The following KRT74 variants were observed in gnomAD, a reference collection of about 807,000 sequenced individuals.
KRT74 encodes keratin, type II cytoskeletal 74.
KRT74 carries 43 observed loss-of-function variants against 42.7 expected under a neutral mutation model. The ratio of observed to expected loss-of-function variants is 1.01; its 90% CI spans 0.79 to 1.30. The LOEUF (loss-of-function observed/expected upper bound fraction) is 1.30, where lower values mean the gene tolerates loss of function less well. KRT74 is among the 50% of genes most tolerant of loss of function. The probability of loss-of-function intolerance (pLI) is 0.00; values close to 1 mark genes in which losing one functional copy is unlikely to be tolerated. For missense variants in KRT74, 736 were observed against 689.1 expected (o/e 1.07, Z -0.76); for synonymous variants, 302 against 279.0 (o/e 1.08, Z -0.82).
chr12:52,571,907 C>A (rs370717222), intron 3 of KRT74, 37 bp downstream of exon 3: 11 of 1,346,066 alleles, frequency 8.2e-6, no homozygotes, highest in Middle Eastern at 1.8e-4. Context: ...GATGGGGGTG[C>A]GAGAGACCCT....
At chr12:52,569,752 C>T in intron 6 of KRT74, 107 bp downstream of exon 6, 1 of 1,464,974 alleles carries the variant, frequency 6.8e-7, no homozygotes, top group Non-Finnish European at 9.5e-7. Context: ...CCGAGGGACC[C>T]CTAAGCCCAG....
In KRT74 at chr12:52,573,689, C is replaced by A. The variant is rs1361079502; in HGVS notation, c.89G>T (p.Ser30Ile). ...GCCAGCTGCACAGTAAGAAGCCAGG[C>A]TACCCACAGCCTTCCTTGGCACCAC... ...SAVVPRKAVG[S>I]LASYCAAGRG... Residue 30 changes from serine (S) to isoleucine (I), a missense_variant, in exon 1 of 9, where the codon AGC (serine) becomes ATC (isoleucine). Ser to Ile is a moderately radical substitution (Grantham distance 142). Coordinates refer to ENST00000305620, the MANE Select transcript of KRT74 (RefSeq NM_175053.4). 10 of 1,614,192 alleles carry A rather than the reference C, an allele frequency of 6.2e-6. No homozygotes were observed. Among genetic ancestry groups the A allele is most frequent in the Non-Finnish European group, 8.5e-6 (10 of 1,180,042 alleles).
chr12:52,572,094 C>T, intron 2 of KRT74, 90 bp from the exon 3 acceptor site: 1 of 959,918 alleles, frequency 1.0e-6, no homozygotes, highest in Non-Finnish European at 1.7e-6. Flanking sequence ...GATACAGGGT[C>T]CCTGCAGGGT....
chr12:52,571,739 T>C (rs948836312), intron 3 of KRT74, among the ~76,000 whole-genome samples: 12 of 152,110 alleles, frequency 7.9e-5, no homozygotes, highest in African/African-American at 2.9e-4. Flanking sequence ...CAGACCAGAA[T>C]TCTGTCTGTC....
chr12:52,570,155 C>CA (rs201168012), intron 5 of KRT74, among the ~76,000 whole-genome samples, 171 bp from the exon 6 acceptor site: 1 of 138 alleles, frequency 7.2e-3, no homozygotes. Flanking sequence ...CTGACAGCCC[C>CA]AAACATAGTT....
In KRT74 at chr12:52,570,744, G is replaced by A. The variant is rs776156648; in HGVS notation, c.933C>T (p.Ile311=). 1.9e-5 allele frequency: 31 copies of A among 1,614,076 alleles called. No homozygotes were observed. Among genetic ancestry groups the A allele is most frequent in the African/African-American group, 2.7e-5 (2 of 74,946 alleles). Residue 311 remains isoleucine, a synonymous_variant, in exon 5 of 9, where the codon ATC becomes ATT. Coordinates refer to ENST00000305620, the MANE Select transcript of KRT74 (RefSeq NM_175053.4). ...CCTCATAATGCATGCGGACCTCAGC[G>A]ATGATGCTGTCAAGGTCCAGGTCCC... The part of the protein sequence containing the change: ...NNRDLDLDSI[I]AEVRMHYEEI...
Position 52,573,686 on chromosome 12 carries a change from AG to A in KRT74, c.91del (p.Leu31TrpfsTer117), listed in dbSNP as rs1406931946. ...TCTGCCAGCTGCACAGTAAGAAGCC[AG>A]GCTACCCACAGCCTTCCTTGGCACC... ...AVVPRKAVGSLASYCAAGRGA... is the reference protein window; with the variant it reads ...AVVPRKAVGSXASYCAAGRGA... On this transcript the variant is annotated frameshift_variant, in exon 1 of 9. Transcript: ENST00000305620. LOFTEE classifies it high-confidence loss of function. 7 of 1,614,074 alleles carry A rather than the reference AG, an allele frequency of 4.3e-6. No individual in the cohort carries two copies. In the East Asian group the frequency reaches 1.6e-4, roughly 36 times the overall value.
intron 3 of KRT74, 40 bp downstream of exon 3, chr12:52,571,904 G>A (rs1013149655): frequency 1.5e-6 from 2 of 1,299,676 alleles, no homozygotes; most frequent in Non-Finnish European, 2.2e-6. Context: ...TAAGATGGGG[G>A]TGCGAGAGAC....
intron 5 of KRT74, 42 bp from the exon 6 acceptor site, chr12:52,570,026 A>C: frequency 6.2e-7 from 1 of 1,611,838 alleles, no homozygotes; most frequent in Non-Finnish European, 8.5e-7. Flanking sequence ...AGACAAGGGC[A>C]CTGGGGAAGG....
chr12:52,567,035 T>TC lies in KRT74; in HGVS notation c.1523dup (p.Asp509ArgfsTer55). ...TCTTGCCCTGGGTGTCCTTGAGGTC[T>TC]CCCCCTCGCGCCTCTGTGGTCTTGG... On this transcript the variant is annotated frameshift_variant, in exon 9 of 9. Coordinates refer to ENST00000305620, the MANE Select transcript of KRT74 (RefSeq NM_175053.4). LOFTEE classifies it low-confidence loss of function (END_TRUNC). The TC allele has an allele frequency of 6.3e-7, 1 of 1,599,824 alleles. No homozygotes were observed. Among genetic ancestry groups the TC allele is most frequent in the South Asian group, 1.1e-5 (1 of 89,156 alleles).
rs771181093 is a variant in KRT74 at position 52,567,123 on chromosome 12, G to C, written c.1436C>G (p.Ala479Gly). Residue 479 changes from alanine to glycine, a missense_variant, in exon 9 of 9, where the codon GCG (alanine) becomes GGG (glycine). Coordinates refer to ENST00000305620, the MANE Select transcript of KRT74 (RefSeq NM_175053.4). ...SSYSYHHPSS[A>G]GVDLGASAVA... is the part of the protein sequence containing the mutation. ...AGCGCTGGCCCCAAGGTCAACACCC[G>C]CAGAGCTGGGGTGGTGGTAGCTGTA... The C allele has an allele frequency of 1.2e-6, 2 of 1,605,178 alleles. No homozygotes were observed. Among genetic ancestry groups the C allele is most frequent in the Non-Finnish European group, 1.7e-6 (2 of 1,173,230 alleles).
At chr12:52,571,503 G>A (rs1232078260) in intron 3 of KRT74, 49 bp from the exon 4 acceptor site, 1 of 1,367,018 alleles carries the variant, frequency 7.3e-7, no homozygotes, top group East Asian at 2.3e-5. Flanking sequence ...TCATCCCACA[G>A]CTGCCCTGCC....
rs777017347 is a variant in KRT74 at position 52,572,037 on chromosome 12, C to T, written c.687-33G>A. 6.0e-6 allele frequency: 9 copies of T among 1,505,074 alleles called. No individual in the cohort carries two copies. In the African/African-American group the frequency reaches 8.4e-5, roughly 14 times the overall value. The allele number at this position is 1,505,074 out of a possible 1,614,324, so 93.2% of individuals were successfully genotyped here. ...CAGGGAGAGTAGATGGCCTTAGCCCCCTTAGCCAAGGAACTTTCTCTTCCT... is the reference window on the plus strand; with the variant it reads ...CAGGGAGAGTAGATGGCCTTAGCCCTCTTAGCCAAGGAACTTTCTCTTCCT... On this transcript the variant is annotated intron_variant, in intron 2 of 8. Transcript: ENST00000305620.
At chr12:52,570,168 A>G (rs1216922317) in intron 5 of KRT74, among the ~76,000 whole-genome samples, 184 bp from the exon 6 acceptor site, 1 of 151,906 alleles carries the variant, frequency 6.6e-6, no homozygotes, top group African/African-American at 2.4e-5. Context: ...ACATAGTTCC[A>G]TTACTCAGTT....
At position 52,567,068 on chromosome 12, in the gene KRT74, G is replaced by T. The variant is rs114682029; in HGVS notation, c.1491C>A (p.Ser497Arg). The T allele has an allele frequency of 1.0e-5, 16 of 1,594,558 alleles. No individual in the cohort carries two copies. The East Asian group carries it at 2.7e-4, about 27-fold the overall frequency. Residue 497 changes from serine to arginine, a missense_variant, in exon 9 of 9, where the codon AGC (serine) becomes AGA (arginine). Coordinates refer to ENST00000305620, the MANE Select transcript of KRT74 (RefSeq NM_175053.4). The stretch of plus-strand genomic sequence containing the variant: ...GCGCCTCTGTGGTCTTGGTCTGCCC[G>T]CTCTGGGTGCTGCCAGAGCTGCCTG... ...AVAGSSGSTQ[S>R]GQTKTTEARG...
chr12:52,568,395 G>A lies in KRT74; in HGVS notation c.1135-6C>T. The A allele has an allele frequency of 6.2e-6, 10 of 1,614,004 alleles. No homozygotes were observed. Among genetic ancestry groups the A allele is most frequent in the Non-Finnish European group, 8.5e-6 (10 of 1,179,950 alleles). On this transcript the variant is annotated splice_polypyrimidine_tract_variant and splice_region_variant and intron_variant, in intron 6 of 8. Coordinates refer to ENST00000305620, the MANE Select transcript of KRT74 (RefSeq NM_175053.4). ...GCCGTCTCCAGGCTGGCACGCTGAA[G>A]GGCAAAGAACAGAGAGACCATCAGA...
Position 52,570,000 on chromosome 12 carries a change from T to C in KRT74, c.1009-16A>G. 21 of 1,613,800 alleles carry C rather than the reference T, an allele frequency of 1.3e-5. No homozygotes were observed. Among genetic ancestry groups the C allele is most frequent in the Non-Finnish European group, 1.7e-5 (20 of 1,179,974 alleles). On this transcript the variant is annotated splice_polypyrimidine_tract_variant and intron_variant, in intron 5 of 8. Transcript: ENST00000305620. ...GCTCCTGGATCTGGTTTCCCAGAGA[T>C]AGGAAGTTGGTGATGAGACAAGGGC...
chr12:52,568,838 T>C (rs914085686), intron 6 of KRT74, among the ~76,000 whole-genome samples: 4 of 152,178 alleles, frequency 2.6e-5, no homozygotes, highest in Non-Finnish European at 5.9e-5. Context: ...CAGATGAGTG[T>C]TTCTGGACTC....
rs117515199 is a variant in KRT74, at chr12:52,567,823, C to T, written c.1356-130G>A. ...TAACAACTTACGAAACTGACACTAT[C>T]GCCTTCATCTTACAGATGAGAAAAC... On this transcript the variant is annotated intron_variant, in intron 7 of 8. Transcript: ENST00000305620. The T allele has an allele frequency of 4.4e-4, 335 of 755,010 alleles. 1 individual carries two copies. The East Asian group carries it at 5.3e-3, about 12-fold the overall frequency. The allele number at this position is 755,010 out of a possible 1,614,324, so 46.8% of individuals were successfully genotyped here. A position where few individuals can be genotyped will look rare whatever the true frequency, so the allele number is the denominator to read the frequency against.
Sources: gnomAD v4.1 joint callset for allele counts (sites outside exome capture counted in the v4.1 genomes callset) on GRCh38, gnomAD v4.1.1 for gene constraint, MANE v1.5 for transcripts, NCBI Gene and HGNC (gene_info 2026-07-23, HGNC 2026-07-21) for gene names.